The following RDH12 variants were observed in gnomAD, a reference collection of about 807,000 sequenced individuals.
RDH12 encodes all-trans and 9-cis retinol dehydrogenase.
A neutral mutation model predicts 34.0 loss-of-function variants in RDH12; 21 were observed. The observed-to-expected ratio is 0.62, with a 90% CI of 0.44 to 0.89. RDH12 has a LOEUF of 0.89. Ranked by LOEUF, RDH12 falls within the 40% of genes least tolerant of loss-of-function variation. The pLI is 0.00. For synonymous variants in RDH12, 198 were observed against 169.9 expected, an observed-to-expected ratio of 1.17 and a Z score of -1.29; for missense variants, 394 against 398.6, an observed-to-expected ratio of 0.99 and a Z score of 0.10.
At chr14:67,720,536 G>A (rs767299938) in intron 1 of RDH12, among the ~76,000 whole-genome samples, 1 of 152,158 alleles carries the variant, frequency 6.6e-6, no homozygotes, top group Non-Finnish European at 1.5e-5. Context: ...TTTCCCAGCT[G>A]GATACCTAGG....
At chr14:67,729,831 T>C (rs548861307) in intron 8 of RDH12, 75 of 469,978 alleles carry the variant, frequency 1.6e-4, no homozygotes, top group African/African-American at 1.1e-3. Flanking sequence ...TGTTGAAATA[T>C]AGAAGTAGAA....
At chr14:67,712,266 C>T (rs1038585904) in intron 1 of RDH12, among the ~76,000 whole-genome samples, 3 of 151,948 alleles carry the variant, frequency 2.0e-5, no homozygotes, top group African/African-American at 7.3e-5. Context: ...TGGGAGGAGC[C>T]CACACTGAAT....
chr14:67,709,581 G>T (rs927856794), intron 1 of RDH12, among the ~76,000 whole-genome samples: 9 of 152,042 alleles, frequency 5.9e-5, no homozygotes, highest in Non-Finnish European at 1.0e-4. Context: ...TCTTAAAATT[G>T]GCCCTCACAA....
intron 1 of RDH12, among the ~76,000 whole-genome samples, chr14:67,710,553 T>A (rs1291783215): frequency 1.3e-5 from 2 of 152,138 alleles, no homozygotes; most frequent in Non-Finnish European, 2.9e-5. Context: ...CACACAATAT[T>A]CTTTTTCATA....
At chr14:67,733,046 C>T (rs550300692) in intron 8 of RDH12, among the ~76,000 whole-genome samples, 12 of 152,128 alleles carry the variant, frequency 7.9e-5, no homozygotes, top group East Asian at 1.9e-4. Flanking sequence ...GGGTGCAGCA[C>T]ACCAACATGG....
chr14:67,729,651 T>C (rs1370338126), intron 8 of RDH12: 2 of 600,560 alleles, frequency 3.3e-6, no homozygotes, highest in African/African-American at 1.9e-5. Flanking sequence ...TAAAGAAGAC[T>C]GTCGCTGTTG....
intron 1 of RDH12, among the ~76,000 whole-genome samples, chr14:67,715,505 T>C (rs915330690): frequency 6.6e-6 from 1 of 152,240 alleles, no homozygotes; most frequent in African/African-American, 2.4e-5. Context: ...CCCCCTGCCA[T>C]CCTGAGCACC....
chr14:67,716,154 G>A (rs984377620), intron 1 of RDH12, among the ~76,000 whole-genome samples: 2 of 149,692 alleles, frequency 1.3e-5, no homozygotes, highest in Non-Finnish European at 3.0e-5. Context: ...CCGAGATCAC[G>A]CCACTGCACT....
intron 1 of RDH12, among the ~76,000 whole-genome samples, chr14:67,711,566 A>T (rs1356249351): frequency 6.6e-6 from 1 of 152,168 alleles, no homozygotes; most frequent in Admixed American, 6.5e-5. Context: ...ATATATTTTC[A>T]GTAGTGAAAC....
At chr14:67,721,461 A>T (rs2038122104) in intron 2 of RDH12, among the ~76,000 whole-genome samples, 2 of 152,142 alleles carry the variant, frequency 1.3e-5, no homozygotes, top group Non-Finnish European at 2.9e-5. Context: ...GCCTAAGCTC[A>T]GTCTTGAACT....
chr14:67,731,306 C>CTGGGTT (rs1230370932), intron 8 of RDH12, among the ~76,000 whole-genome samples: 1 of 148,290 alleles, frequency 6.7e-6, no homozygotes, highest in African/African-American at 2.5e-5. Flanking sequence ...CCTCCACCTC[C>CTGGGTT]TGGGTTCAAG....
intron 7 of RDH12, among the ~76,000 whole-genome samples, chr14:67,728,703 T>TGGGGGG (rs142252701): frequency 1.5e-4 from 21 of 142,018 alleles, no homozygotes; most frequent in African/African-American, 1.9e-4. Context: ...GGATATCTTG[T>TGGGGGG]GGGGGGGGGG....
At chr14:67,729,778 G>T (rs866226124) in intron 8 of RDH12, 1 of 501,924 alleles carries the variant, frequency 2.0e-6, no homozygotes, top group Non-Finnish European at 4.0e-6. Flanking sequence ...CTCTCTCTTC[G>T]GTGTGAACTC....
intron 8 of RDH12, 118 bp downstream of exon 8, chr14:67,729,498 T>C: frequency 4.0e-6 from 4 of 1,001,786 alleles, no homozygotes; most frequent in South Asian, 1.3e-5. Flanking sequence ...CAGGTTTGGG[T>C]TGGGCCTGCA....
intron 2 of RDH12, 80 bp downstream of exon 2, chr14:67,720,982 G>C (rs1041042474): frequency 2.0e-5 from 3 of 152,200 alleles, no homozygotes; most frequent in Admixed American, 1.3e-4. Context: ...ATCACTCCTT[G>C]TTCTGTTGGT....
intron 7 of RDH12, 56 bp downstream of exon 7, chr14:67,727,246 C>T: frequency 7.1e-7 from 1 of 1,404,394 alleles, no homozygotes; most frequent in South Asian, 1.2e-5. Flanking sequence ...ATTAGAGGTC[C>T]ACAGCAACTT....
chr14:67,732,777 C>T (rs576759618), intron 8 of RDH12, among the ~76,000 whole-genome samples: 22 of 152,194 alleles, frequency 1.4e-4, no homozygotes, highest in South Asian at 4.1e-4. Context: ...GGCAGGGTTT[C>T]GCCTTGTTGG....
chr14:67,716,976 A>G (rs1206320031), intron 1 of RDH12, among the ~76,000 whole-genome samples: 2 of 152,188 alleles, frequency 1.3e-5, no homozygotes, highest in Non-Finnish European at 2.9e-5. Context: ...TATCACATAT[A>G]TAAAACAAAT....
chr14:67,722,338 G>T (rs1594864038), intron 2 of RDH12, 86 bp from the exon 3 acceptor site: 1 of 494,344 alleles, frequency 2.0e-6, no homozygotes, highest in Non-Finnish European at 3.7e-6. Flanking sequence ...GGGGGTTTAG[G>T]GGGTACTTGC....
Sources: gnomAD v4.1 joint callset for allele counts (sites outside exome capture counted in the v4.1 genomes callset) on GRCh38, gnomAD v4.1.1 for gene constraint, MANE v1.5 for transcripts, NCBI Gene and HGNC (gene_info 2026-07-23, HGNC 2026-07-21) for gene names.